HERC3: variants seen among roughly 807,000 people sequenced by gnomAD.
The protein encoded by HERC3 is HECT and RLD domain containing E3 ubiquitin protein ligase 3, also known as probable E3 ubiquitin-protein ligase HERC3.
In HERC3, 58 loss-of-function variants were observed where a neutral mutation model predicts 129.9. That is an observed-to-expected ratio of 0.45 (90% CI 0.36 to 0.56). The LOEUF is 0.56. Ranked by LOEUF, HERC3 falls within the 20% of genes least tolerant of loss-of-function variation. HERC3 has a pLI of 0.00. For synonymous variants in HERC3, 430 were observed against 451.0 expected (o/e 0.95, Z 0.59); for missense variants, 835 against 1,244.2 (o/e 0.67, Z 4.95).
At chr4:88,538,636 T>C in the HERC3 span, among the ~76,000 whole-genome samples, 1 of 151,154 alleles carries the variant, frequency 6.6e-6, no homozygotes, top group African/African-American at 2.4e-5. Flanking sequence ...CTCTGCCTCC[T>C]GGGTTCACGC....
intron 23 of HERC3, chr4:88,697,308 C>G: frequency 6.2e-7 from 1 of 1,611,376 alleles, no homozygotes; most frequent in Middle Eastern, 1.7e-4. Flanking sequence ...CTTCCCCCTC[C>G]TCCTCGTCAT....
At chr4:88,653,155 G>C in intron 6 of HERC3, 65 bp downstream of exon 6, 1 of 1,477,712 alleles carries the variant, frequency 6.8e-7, no homozygotes, top group Non-Finnish European at 9.4e-7. Context: ...CATGCTTCTT[G>C]AGGATCTACT....
chr4:88,682,823 T>C (rs1686767252), intron 21 of HERC3, among the ~76,000 whole-genome samples: 1 of 152,030 alleles, frequency 6.6e-6, no homozygotes. Flanking sequence ...TTTATAATCC[T>C]TTGGGTATAT....
chr4:88,547,715 G>T, the HERC3 span, among the ~76,000 whole-genome samples: 2 of 152,160 alleles, frequency 1.3e-5, no homozygotes, highest in Non-Finnish European at 2.9e-5. Flanking sequence ...GAATGCAGTG[G>T]CATTATCTTG....
At chr4:88,671,037 A>G (rs10516818) in intron 16 of HERC3, among the ~76,000 whole-genome samples, 5,218 of 151,902 alleles carry the variant, frequency 0.034, 115 homozygotes, top group Middle Eastern at 0.12. Context: ...ATCCCTGACC[A>G]AGTGCTGTCT....
intron 3 of HERC3, among the ~76,000 whole-genome samples, chr4:88,639,237 A>C (rs112564983): frequency 0.039 from 5,894 of 152,252 alleles, 183 homozygotes; most frequent in Non-Finnish European, 0.061. Flanking sequence ...TTTAGAAAAA[A>C]CTGCTTTAAA....
At chr4:88,651,712 G>C (rs1467021332) in intron 4 of HERC3, among the ~76,000 whole-genome samples, 1 of 152,292 alleles carries the variant, frequency 6.6e-6, no homozygotes, top group African/African-American at 2.4e-5. Context: ...AGCCTCCCGA[G>C]TAGCTGGGAT....
At chr4:88,692,316 C>A (rs961065978) in intron 23 of HERC3, among the ~76,000 whole-genome samples, 20 of 126,694 alleles carry the variant, frequency 1.6e-4, no homozygotes, top group African/African-American at 6.0e-4. Context: ...CCATTTTCCC[C>A]ATATTAAAAA....
In HERC3 at chr4:88,657,905, G is replaced by T. The variant is rs574419699; in HGVS notation, c.1070-510G>T. The stretch of plus-strand genomic sequence containing the variant: ...TCCCATGTGCCAGGGGCAGCAGAGG[G>T]GGGAGGCACCGAGATGTGAAATAGT... On this transcript the variant is annotated intron_variant, in intron 9 of 25. Coordinates refer to ENST00000402738, the MANE Select transcript of HERC3 (RefSeq NM_014606.3). Among the ~76,000 whole-genome samples the T allele has an allele frequency of 4.6e-5, 7 of 152,198 alleles. No homozygotes were observed. The East Asian group carries it at 1.4e-3, about 29-fold the overall frequency.
the HERC3 span, among the ~76,000 whole-genome samples, chr4:88,562,878 G>A: frequency 5.3e-5 from 8 of 152,198 alleles, no homozygotes; most frequent in Admixed American, 3.9e-4. Context: ...TTTTATGCCC[G>A]TCCCAGGCTG....
chr4:88,550,712 A>G, the HERC3 span, among the ~76,000 whole-genome samples: 1 of 149,772 alleles, frequency 6.7e-6, no homozygotes, highest in South Asian at 2.1e-4. Flanking sequence ...ATACTGCCCA[A>G]GGTAATTTAT....
chr4:88,547,887 C>A, the HERC3 span, among the ~76,000 whole-genome samples: 6 of 152,122 alleles, frequency 3.9e-5, no homozygotes, highest in African/African-American at 1.2e-4. Flanking sequence ...AACTCCTGGC[C>A]TTGAATGATC....
At chr4:88,693,473 C>T in intron 23 of HERC3, 1 of 972,316 alleles carries the variant, frequency 1.0e-6, no homozygotes, top group South Asian at 4.8e-5. Context: ...ACATAGGCTA[C>T]TTTACATAGT....
intron 3 of HERC3, among the ~76,000 whole-genome samples, chr4:88,644,802 T>A (rs1728517588): frequency 6.6e-6 from 1 of 152,174 alleles, no homozygotes; most frequent in Non-Finnish European, 1.5e-5. Context: ...CTGGTTTCAG[T>A]GCCTTGGCTC....
the HERC3 span, among the ~76,000 whole-genome samples, chr4:88,564,117 G>A: frequency 6.6e-6 from 1 of 152,196 alleles, no homozygotes; most frequent in African/African-American, 2.4e-5. Flanking sequence ...GTAGAACCAT[G>A]CTTGCATCCC....
the HERC3 span, among the ~76,000 whole-genome samples, chr4:88,566,748 A>C: frequency 4.1e-4 from 62 of 152,196 alleles, 1 homozygote; most frequent in Non-Finnish European, 1.2e-4. Context: ...TGTTTGAAAG[A>C]CATTTTTGCT....
intron 1 of HERC3, among the ~76,000 whole-genome samples, chr4:88,594,211 A>AT (rs1404919249): frequency 6.6e-6 from 1 of 152,218 alleles, no homozygotes; most frequent in Non-Finnish European, 1.5e-5. Flanking sequence ...TCGTTATAGC[A>AT]TTTCATTCTG....
At chr4:88,677,216 G>A (rs1048473267) in intron 18 of HERC3, among the ~76,000 whole-genome samples, 4 of 152,148 alleles carry the variant, frequency 2.6e-5, no homozygotes, top group African/African-American at 7.2e-5. Context: ...GATGTGTGGG[G>A]CCTCAGTTTG....
At chr4:88,591,067 T>G (rs1578121294), upstream of HERC3, among the ~76,000 whole-genome samples, 1 of 151,998 alleles carries the variant, frequency 6.6e-6, no homozygotes, top group Non-Finnish European at 1.5e-5. Flanking sequence ...TTTTGGTATT[T>G]TTTTTTGTAG....
Sources: allele counts gnomAD v4.1 joint callset (sites outside exome capture counted in the v4.1 genomes callset), GRCh38; gene constraint gnomAD v4.1.1; transcripts MANE v1.5; gene names NCBI Gene and HGNC (gene_info 2026-07-23, HGNC 2026-07-21).